Variants in PDE1C observed in about 807,000 individuals in gnomAD.
PDE1C encodes dual specificity calcium/calmodulin-dependent 3',5'-cyclic nucleotide phosphodiesterase 1C.
In PDE1C, 62 loss-of-function variants were observed where a neutral mutation model predicts 93.1. That is an observed-to-expected ratio of 0.67 (90% CI 0.54 to 0.82). PDE1C has a LOEUF of 0.82. PDE1C is among the 40% of genes least tolerant of loss of function. The probability of loss-of-function intolerance (pLI) is 0.00; values close to 1 mark genes in which losing one functional copy is unlikely to be tolerated. For synonymous variants in PDE1C, 325 were observed against 310.1 expected, an observed-to-expected ratio of 1.05 and a Z score of -0.50; for missense variants, 742 against 884.6, an observed-to-expected ratio of 0.84 and a Z score of 2.04.
chr7:31,799,311 T>C (rs1308288807), intron 16 of PDE1C, among the ~76,000 whole-genome samples: 1 of 151,716 alleles, frequency 6.6e-6, no homozygotes, highest in Non-Finnish European at 1.5e-5. Flanking sequence ...TATCTTTCAC[T>C]ACCAGCTTCA....
At chr7:32,112,322 A>C (rs2128756509) in intron 3 of PDE1C, among the ~76,000 whole-genome samples, 1 of 147,954 alleles carries the variant, frequency 6.8e-6, no homozygotes, top group Admixed American at 6.7e-5. Flanking sequence ...CTTTTTCTTT[A>C]TTTTTCCAAA....
At position 32,326,046 on chromosome 7, in the gene PDE1C, C is replaced by T. The variant is rs564671210; in HGVS notation, c.310+101776G>A. Among the ~76,000 whole-genome samples the T allele has an allele frequency of 1.0e-3, 158 of 150,704 alleles. 1 individual carries two copies. Among genetic ancestry groups the T allele is most frequent in the Non-Finnish European group, 2.0e-3 (136 of 67,490 alleles). On this transcript the variant is annotated intron_variant, in intron 1 of 1. Transcript: ENST00000672256. ...ACAAGATTTGCTGACAGTTCAAACA[C>T]GGTTGTGAGGAAAAAAAAAAGGAAT...
chr7:32,313,589 T>C lies in PDE1C; in HGVS notation c.311-104050A>G, dbSNP rs1231824267. On this transcript the variant is annotated intron_variant, in intron 1 of 1. Transcript: ENST00000672256. ...TATGCAGCCATAAAAAAGGATGAGT[T>C]CATGTCCTTTGTGGGGACACGGATG... 1.4e-4 allele frequency among the ~76,000 whole-genome samples: 21 copies of C among 152,044 alleles called. 1 individual carries two copies. Among genetic ancestry groups the C allele is most frequent in the Non-Finnish European group, 7.4e-5 (5 of 68,022 alleles).
intron 1 of PDE1C, among the ~76,000 whole-genome samples, chr7:32,306,202 T>A (rs2128903271): frequency 6.6e-6 from 1 of 152,272 alleles, no homozygotes; most frequent in Middle Eastern, 3.4e-3. Context: ...CTCTTTTTCT[T>A]TATAAATTAC....
rs1451727058 is a variant in PDE1C at position 31,789,762 on chromosome 7, C to T, written c.1892-14030G>A. The T allele has an allele frequency of 1.5e-5, 15 of 986,502 alleles. No individual in the cohort carries two copies. In the South Asian group the frequency reaches 2.3e-4, roughly 15 times the overall value. 61.1% of individuals were successfully genotyped at this position (986,502 alleles called of 1,614,324 possible). A position where few individuals can be genotyped will look rare whatever the true frequency, so the allele number is the denominator to read the frequency against. On this transcript the variant is annotated intron_variant, in intron 16 of 17. Coordinates refer to ENST00000396191, the MANE Select transcript of PDE1C (RefSeq NM_001191057.4). ...TCATCATCTTTGCGGTGATGAATGT[C>T]AGCATGGCTGTATCATCAGTAGCCA...
chr7:31,648,819 T>C, the PDE1C span, among the ~76,000 whole-genome samples: 1 of 152,224 alleles, frequency 6.6e-6, no homozygotes, highest in Non-Finnish European at 1.5e-5. Context: ...TCAGCTATAC[T>C]GTGGTCCCTG....
chr7:32,291,185 C>T (rs62457502), intron 1 of PDE1C, among the ~76,000 whole-genome samples: 18,119 of 152,128 alleles, frequency 0.12, 1,244 homozygotes, highest in African/African-American at 0.17. Context: ...CAAAATTACA[C>T]AGCTAATAAA....
At chr7:32,302,242 G>T (rs557655794), upstream of PDE1C, among the ~76,000 whole-genome samples, 4 of 152,310 alleles carry the variant, frequency 2.6e-5, no homozygotes, top group East Asian at 7.7e-4. Context: ...TAACATTTGG[G>T]TTTGGAAAGA....
At chr7:31,987,867 G>A (rs1205404974) in intron 2 of PDE1C, among the ~76,000 whole-genome samples, 2 of 152,176 alleles carry the variant, frequency 1.3e-5, no homozygotes, top group African/African-American at 4.8e-5. Context: ...AAAGTGCTAT[G>A]TGTCTGTGTT....
At chr7:31,781,891 C>T (rs1056261220) in intron 16 of PDE1C, among the ~76,000 whole-genome samples, 4 of 152,198 alleles carry the variant, frequency 2.6e-5, no homozygotes, top group African/African-American at 4.8e-5. Context: ...AGATACAACA[C>T]CACAAGCTAT....
At chr7:32,174,856 T>A (rs77965285) in intron 2 of PDE1C, among the ~76,000 whole-genome samples, 1 of 152,142 alleles carries the variant, frequency 6.6e-6, no homozygotes, top group Non-Finnish European at 1.5e-5. Context: ...TAGGGTGCCA[T>A]GCATTTAACT....
chr7:32,177,588 A>G (rs1803099275), intron 2 of PDE1C, among the ~76,000 whole-genome samples: 1 of 152,094 alleles, frequency 6.6e-6, no homozygotes, highest in South Asian at 2.1e-4. Context: ...GTTCCTGGCC[A>G]CTATCCATGG....
chr7:32,406,390 A>C (rs1190755187), intron 1 of PDE1C, among the ~76,000 whole-genome samples: 1 of 152,166 alleles, frequency 6.6e-6, no homozygotes, highest in East Asian at 1.9e-4. Flanking sequence ...AATTAAGAGG[A>C]CACTGAATTT....
At chr7:31,810,487 A>G (rs1001421515) in intron 15 of PDE1C, among the ~76,000 whole-genome samples, 1 of 152,168 alleles carries the variant, frequency 6.6e-6, no homozygotes, top group African/African-American at 2.4e-5. Context: ...GGCTACTATT[A>G]TTGAAAGTAG....
At chr7:32,131,293 C>T (rs1799907862) in intron 3 of PDE1C, among the ~76,000 whole-genome samples, 1 of 152,116 alleles carries the variant, frequency 6.6e-6, no homozygotes, top group Non-Finnish European at 1.5e-5. Flanking sequence ...GCCAGATAGA[C>T]ATTTTTGAAT....
At chr7:31,843,090 A>G (rs1204981510) in intron 9 of PDE1C, among the ~76,000 whole-genome samples, 1 of 151,880 alleles carries the variant, frequency 6.6e-6, no homozygotes, top group Non-Finnish European at 1.5e-5. Context: ...CAAAGAACAT[A>G]CTCTTTAAGC....
intron 2 of PDE1C, among the ~76,000 whole-genome samples, chr7:31,973,942 G>A (rs1236831452): frequency 6.6e-6 from 1 of 152,150 alleles, no homozygotes; most frequent in Non-Finnish European, 1.5e-5. Context: ...AGTTCCAGAT[G>A]TTTTTGTTTA....
intron 1 of PDE1C, among the ~76,000 whole-genome samples, chr7:32,224,375 A>G (rs1017569793): frequency 3.3e-5 from 5 of 152,146 alleles, no homozygotes; most frequent in African/African-American, 1.2e-4. Context: ...CATCTCAAAA[A>G]AAAAAAAGAC....
intron 1 of PDE1C, among the ~76,000 whole-genome samples, chr7:32,265,558 G>A (rs1334334961): frequency 6.6e-6 from 1 of 152,124 alleles, no homozygotes; most frequent in African/African-American, 2.4e-5. Flanking sequence ...AGAGAGACAG[G>A]GAACAAACGT....
Sources: gnomAD v4.1 joint callset for allele counts (sites outside exome capture counted in the v4.1 genomes callset) on GRCh38, gnomAD v4.1.1 for gene constraint, MANE v1.5 for transcripts, NCBI Gene and HGNC (gene_info 2026-07-23, HGNC 2026-07-21) for gene names.